HK1: variants seen among roughly 807,000 people sequenced by gnomAD.
The protein encoded by HK1 is hexokinase-1.
In HK1, 28 loss-of-function variants were observed where a neutral mutation model predicts 91.6. That is an observed-to-expected ratio of 0.31 (90% CI 0.23 to 0.42). HK1 has a LOEUF of 0.42. Among genes scored for constraint, HK1 ranks in the 10% least tolerant of loss-of-function variants. The pLI is 1.00. For missense variants in HK1, 770 were observed against 1,219.8 expected (o/e 0.63, Z 5.49); for synonymous variants, 430 against 468.1 (o/e 0.92, Z 1.05).
chr10:69,305,579 G>T (rs1238988276), intron 5 of HK1, among the ~76,000 whole-genome samples: 1 of 152,104 alleles, frequency 6.6e-6, no homozygotes, highest in Non-Finnish European at 1.5e-5. Context: ...AGAAGGCTGG[G>T]TGTGGTAGTT....
intron 5 of HK1, among the ~76,000 whole-genome samples, chr10:69,303,914 T>C (rs1845989719): frequency 6.6e-6 from 1 of 152,136 alleles, no homozygotes; most frequent in Non-Finnish European, 1.5e-5. Context: ...GGAGTGCTGA[T>C]TGGTTGGGTC....
intron 8 of HK1, among the ~76,000 whole-genome samples, chr10:69,378,527 G>A (rs1049847241): frequency 2.6e-5 from 4 of 152,188 alleles, no homozygotes; most frequent in Admixed American, 1.3e-4. Context: ...TTTGCAAATG[G>A]TAAAAGTCTA....
chr10:69,335,207 G>A (rs1417946232), intron 1 of HK1, among the ~76,000 whole-genome samples: 1 of 152,216 alleles, frequency 6.6e-6, no homozygotes, highest in East Asian at 1.9e-4. Flanking sequence ...CAGAAGCCAT[G>A]TGCAGTCAGG....
At chr10:69,344,860 T>C (rs912061120) in intron 2 of HK1, among the ~76,000 whole-genome samples, 5 of 151,978 alleles carry the variant, frequency 3.3e-5, no homozygotes, top group African/African-American at 1.2e-4. Context: ...TGCTCTAGGG[T>C]GGGGCTCACC....
chr10:69,332,429 A>G (rs1284979169), intron 1 of HK1, among the ~76,000 whole-genome samples: 1 of 137,818 alleles, frequency 7.3e-6, no homozygotes, highest in African/African-American at 2.8e-5. Context: ...TCCAGGCTGG[A>G]GTGCACTGGC....
At chr10:69,355,230 G>GT (rs1476267304) in intron 2 of HK1, among the ~76,000 whole-genome samples, 11 of 152,140 alleles carry the variant, frequency 7.2e-5, no homozygotes, top group Non-Finnish European at 2.9e-5. Context: ...ATATAGCAGT[G>GT]TGTCAGGGCT....
chr10:69,381,067 CT>C (rs1488654489), intron 9 of HK1, among the ~76,000 whole-genome samples: 1 of 152,180 alleles, frequency 6.6e-6, no homozygotes, highest in African/African-American at 2.4e-5. Flanking sequence ...CTTTGGGAGG[CT>C]GAGGCAGGTG....
At chr10:69,278,198 A>G (rs540496372) in intron 1 of HK1, among the ~76,000 whole-genome samples, 5 of 152,314 alleles carry the variant, frequency 3.3e-5, no homozygotes, top group East Asian at 3.9e-4. Context: ...ATTCCAATCC[A>G]TCTTCTTGGA....
At chr10:69,271,439 A>G (rs2132395033) in intron 1 of HK1, among the ~76,000 whole-genome samples, 1 of 151,998 alleles carries the variant, frequency 6.6e-6, no homozygotes, top group South Asian at 2.1e-4. Context: ...ATTCAGCAAG[A>G]TCCAGCAGGA....
At chr10:69,306,642 AT>A (rs1846121510) in intron 5 of HK1, among the ~76,000 whole-genome samples, 1 of 152,208 alleles carries the variant, frequency 6.6e-6, no homozygotes, top group Non-Finnish European at 1.5e-5. Context: ...GCAGTCAAAT[AT>A]GCGTTTGGCG....
At chr10:69,289,773 A>ATT (rs35585147) in intron 3 of HK1, among the ~76,000 whole-genome samples, 25 of 135,546 alleles carry the variant, frequency 1.8e-4, no homozygotes, top group African/African-American at 5.7e-4. Flanking sequence ...CACCCGGCCA[A>ATT]TTTTTTTTTT....
intron 4 of HK1, among the ~76,000 whole-genome samples, chr10:69,295,973 T>C (rs1589447118): frequency 6.6e-6 from 1 of 152,192 alleles, no homozygotes; most frequent in Non-Finnish European, 1.5e-5. Context: ...GCCTTGGGGA[T>C]GCATGGTGTC....
chr10:69,309,843 T>C (rs1330145741), intron 5 of HK1, among the ~76,000 whole-genome samples: 1 of 150,482 alleles, frequency 6.6e-6, no homozygotes, highest in East Asian at 2.0e-4. Flanking sequence ...GGTCAGGAGT[T>C]TGAGACTAGC....
intron 4 of HK1, among the ~76,000 whole-genome samples, chr10:69,297,780 C>T (rs112302657): frequency 0.021 from 3,222 of 150,642 alleles, 198 homozygotes; most frequent in African/African-American, 0.074. Flanking sequence ...TCTGTAATCC[C>T]AACTACTTGG....
intron 1 of HK1, among the ~76,000 whole-genome samples, chr10:69,325,824 A>G (rs928494078): frequency 6.7e-6 from 1 of 149,388 alleles, no homozygotes; most frequent in Non-Finnish European, 1.5e-5. Flanking sequence ...GGTGCCAGCT[A>G]CTGCCTCTGG....
chr10:69,330,881 T>C (rs1847678143), intron 1 of HK1, among the ~76,000 whole-genome samples: 2 of 151,930 alleles, frequency 1.3e-5, no homozygotes, highest in African/African-American at 2.4e-5. Context: ...TCTTTTCTTT[T>C]TTTCTTTTTT....
intron 3 of HK1, among the ~76,000 whole-genome samples, chr10:69,289,251 T>C (rs937295894): frequency 6.6e-6 from 1 of 152,118 alleles, no homozygotes; most frequent in African/African-American, 2.4e-5. Context: ...TAAGTCTTGG[T>C]GCAGCAGGGG....
chr10:69,330,303 A>G (rs745419307), intron 1 of HK1, among the ~76,000 whole-genome samples: 20 of 152,216 alleles, frequency 1.3e-4, no homozygotes, highest in Non-Finnish European at 2.8e-4. Flanking sequence ...TGTTTCATTT[A>G]TAAAATACTT....
In HK1 at chr10:69,376,916, G is replaced by T. The variant is rs2132854778; in HGVS notation, c.876-18G>T. On this transcript the variant is annotated intron_variant, in intron 7 of 17. Transcript: ENST00000359426. ...CGCAGAGGAAGGCTGACAAGTGCCG[G>T]TGTGCCTTTCTCCACAGGTTTGAGA... The T allele has an allele frequency of 6.2e-6, 10 of 1,614,060 alleles. No individual in the cohort carries two copies. The highest frequency in any genetic ancestry group is 8.5e-6 in the Non-Finnish European group (10 of 1,179,924).
Sources: gnomAD v4.1 joint callset for allele counts (sites outside exome capture counted in the v4.1 genomes callset) on GRCh38, gnomAD v4.1.1 for gene constraint, MANE v1.5 for transcripts, NCBI Gene and HGNC (gene_info 2026-07-23, HGNC 2026-07-21) for gene names.